NALCN: variants seen among roughly 807,000 people sequenced by gnomAD.
NALCN encodes the protein sodium leak channel, non-selective.
A neutral mutation model predicts 225.3 loss-of-function variants in NALCN; 111 were observed. The ratio of observed to expected loss-of-function variants is 0.49; its 90% CI spans 0.42 to 0.58. The LOEUF (loss-of-function observed/expected upper bound fraction) is 0.58. NALCN is among the 20% of genes least tolerant of loss of function. The pLI, the probability that NALCN is intolerant of heterozygous loss-of-function variation, is 0.00. For missense variants in NALCN, 1,378 were observed against 2,202.4 expected, an observed-to-expected ratio of 0.63 and a Z score of 7.49; for synonymous variants, 764 against 769.0, an observed-to-expected ratio of 0.99 and a Z score of 0.11.
intron 18 of NALCN, among the ~76,000 whole-genome samples, chr13:101,112,207 A>G (rs543706641): frequency 1.4e-4 from 22 of 152,330 alleles, no homozygotes; most frequent in Admixed American, 1.0e-3. Flanking sequence ...AAAAAAAAAA[A>G]AAAGCACACA....
At chr13:101,177,644 T>C (rs1444220278) in intron 14 of NALCN, among the ~76,000 whole-genome samples, 1 of 152,074 alleles carries the variant, frequency 6.6e-6, no homozygotes, top group Non-Finnish European at 1.5e-5. Flanking sequence ...TTTTTAAAAA[T>C]ATTTTACGCT....
chr13:101,225,568 A>G (rs1290287835), intron 13 of NALCN, among the ~76,000 whole-genome samples: 1 of 152,224 alleles, frequency 6.6e-6, no homozygotes, highest in East Asian at 1.9e-4. Context: ...CCAAAGCCTT[A>G]TAAGAGTCGA....
In NALCN at chr13:101,378,612, A is replaced by G. The variant is rs750682444; in HGVS notation, c.333T>C (p.Asp111=). 3 of 1,610,542 alleles carry G rather than the reference A, an allele frequency of 1.9e-6. No homozygotes were observed. The highest frequency in any genetic ancestry group is 2.2e-5 in the South Asian group (2 of 90,472). ...CCCAAAGGCAAAAGACCATAAATCC[A>G]TCAAAAACACACCAGCGATCTTTCA... The part of the protein sequence containing the change: ...SYVKDRWCVF[D]GFMVFCLWVS... Residue 111 remains aspartate (D), a synonymous_variant, in exon 4 of 44, where the codon GAT becomes GAC. Transcript: ENST00000251127.
chr13:101,393,675 C>T (rs2047205899), intron 3 of NALCN, among the ~76,000 whole-genome samples: 1 of 151,584 alleles, frequency 6.6e-6, no homozygotes. Flanking sequence ...GGGGTGGTGG[C>T]TTATGCCTGT....
intron 1 of NALCN, among the ~76,000 whole-genome samples, chr13:101,409,093 T>G (rs1238370599): frequency 1.3e-5 from 2 of 152,200 alleles, no homozygotes; most frequent in Non-Finnish European, 2.9e-5. Context: ...TTGAATTTTC[T>G]CTGGCCTTTA....
chr13:101,134,316 C>G (rs2036661725), intron 17 of NALCN, among the ~76,000 whole-genome samples: 1 of 152,176 alleles, frequency 6.6e-6, no homozygotes, highest in African/African-American at 2.4e-5. Context: ...ATGCATACAC[C>G]AAATCTTCGC....
chr13:101,063,789 G>GAGAC (rs1430668650), intron 40 of NALCN, among the ~76,000 whole-genome samples: 1 of 151,832 alleles, frequency 6.6e-6, no homozygotes, highest in Non-Finnish European at 1.5e-5. Context: ...CCTGAAATTT[G>GAGAC]AGACACAACA....
chr13:101,340,762 T>C (rs986045370), intron 7 of NALCN, among the ~76,000 whole-genome samples: 2 of 152,226 alleles, frequency 1.3e-5, no homozygotes, highest in Admixed American at 1.3e-4. Flanking sequence ...TTAAACATGC[T>C]ACAGCAAATA....
intron 17 of NALCN, among the ~76,000 whole-genome samples, chr13:101,132,915 TTTTG>T (rs1451336772): frequency 6.6e-6 from 1 of 151,312 alleles, no homozygotes; most frequent in Non-Finnish European, 1.5e-5. Context: ...CTAACCAACT[TTTTG>T]TTTGTTCTAC....
At position 101,395,826 on chromosome 13, in the gene NALCN, T is replaced by C. The variant is rs564433340; in HGVS notation, c.109-461A>G. On this transcript the variant is annotated intron_variant, in intron 2 of 43. Coordinates refer to ENST00000251127, the MANE Select transcript of NALCN (RefSeq NM_052867.4). The stretch of plus-strand genomic sequence containing the variant: ...AGTACCTAGAATTAGGGGCATACTA[T>C]ATTTACCATAACTTCCCTAGCATCT... Among the ~76,000 whole-genome samples, 35 of 152,296 alleles carry C rather than the reference T, an allele frequency of 2.3e-4. No individual in the cohort carries two copies. The South Asian group carries it at 6.8e-3, about 30-fold the overall frequency.
chr13:101,232,856 C>T (rs1594491056), intron 12 of NALCN, among the ~76,000 whole-genome samples: 2 of 152,186 alleles, frequency 1.3e-5, no homozygotes, highest in Admixed American at 6.5e-5. Flanking sequence ...AAAGTATTAA[C>T]ATTCGTATTA....
At chr13:101,196,844 C>T (rs937111850) in intron 13 of NALCN, among the ~76,000 whole-genome samples, 6 of 152,154 alleles carry the variant, frequency 3.9e-5, no homozygotes, top group South Asian at 2.1e-4. Context: ...CAATGTCCTC[C>T]TGTTGGTTTT....
Position 101,260,929 on chromosome 13 carries a change from T to C in NALCN, c.1135-2355A>G, listed in dbSNP as rs183070673. On this transcript the variant is annotated intron_variant, in intron 10 of 43. Coordinates refer to ENST00000251127, the MANE Select transcript of NALCN (RefSeq NM_052867.4). ...TGGTTGCCGGTGCTTATGGGGGTAT[T>C]GCTCATAAAATCTTTGCCCAGTCCA... Among the ~76,000 whole-genome samples, 74 of 152,328 alleles carry C rather than the reference T, an allele frequency of 4.9e-4. 2 individuals carry two copies. The highest frequency in any genetic ancestry group is 1.7e-3 in the African/African-American group (71 of 41,580).
At chr13:101,415,224 T>TATATATATATATATATATATATATATAC (rs1566669133) in intron 1 of NALCN, among the ~76,000 whole-genome samples, 7 of 76,766 alleles carry the variant, frequency 9.1e-5, no homozygotes, top group South Asian at 3.3e-4. Flanking sequence ...TATATATATA[T>TATATATATATATATATATATATATATAC]ACATACATAT....
intron 7 of NALCN, among the ~76,000 whole-genome samples, chr13:101,299,479 T>C (rs1305805896): frequency 6.6e-6 from 1 of 152,198 alleles, no homozygotes; most frequent in African/African-American, 2.4e-5. Context: ...TTCAGGTTTT[T>C]CTTCTGAATC....
intron 15 of NALCN, 108 bp from the exon 16 acceptor site, chr13:101,145,004 C>T (rs1958444092): frequency 3.2e-6 from 4 of 1,260,114 alleles, no homozygotes; most frequent in Non-Finnish European, 4.2e-6. Context: ...ACATGAAATG[C>T]CAGTAGATGG....
chr13:101,095,712 C>A (rs1327234348), intron 27 of NALCN, 32 bp from the exon 28 acceptor site: 1 of 1,532,720 alleles, frequency 6.5e-7, no homozygotes, highest in Admixed American at 1.8e-5. Context: ...AGAGGGGAAA[C>A]CTGGTCAGAA....
chr13:101,302,454 G>A (rs1390361329), intron 7 of NALCN, among the ~76,000 whole-genome samples: 1 of 152,096 alleles, frequency 6.6e-6, no homozygotes, highest in Non-Finnish European at 1.5e-5. Context: ...ATCCGATTAG[G>A]TCTACGTGGG....
chr13:101,124,795 A>G, intron 17 of NALCN, 114 bp from the exon 18 acceptor site: 2 of 904,748 alleles, frequency 2.2e-6, no homozygotes, highest in South Asian at 3.0e-5. Flanking sequence ...GTTTCGCTAA[A>G]GCATCATCGT....
Sources: gnomAD v4.1 joint callset for allele counts (sites outside exome capture counted in the v4.1 genomes callset) on GRCh38, gnomAD v4.1.1 for gene constraint, MANE v1.5 for transcripts, NCBI Gene and HGNC (gene_info 2026-07-23, HGNC 2026-07-21) for gene names.